Variants in KCNMA1 observed in about 807,000 individuals in gnomAD.
KCNMA1 encodes the protein Calcium-activated potassium channel subunit alpha-1.
In KCNMA1, 29 loss-of-function variants were observed where a neutral mutation model predicts 140.0. The ratio of observed to expected loss-of-function variants is 0.21; its 90% CI spans 0.15 to 0.28. The LOEUF (loss-of-function observed/expected upper bound fraction) is 0.28, where lower values mean the gene tolerates loss of function less well. KCNMA1 is among the 10% of genes least tolerant of loss of function. The pLI, the probability that KCNMA1 is intolerant of heterozygous loss-of-function variation, is 1.00. For missense variants in KCNMA1, 880 were observed against 1,602.2 expected (o/e 0.55, Z 7.70); for synonymous variants, 612 against 611.9 (o/e 1.00, Z 0.00).
intron 20 of KCNMA1, among the ~76,000 whole-genome samples, chr10:76,955,287 C>T (rs1459678016): frequency 3.3e-5 from 5 of 150,762 alleles, no homozygotes; most frequent in African/African-American, 4.9e-5. Flanking sequence ...GTCTCCGATA[C>T]TTCCCACTTA....
chr10:77,400,292 G>T (rs1293739286), intron 2 of KCNMA1, among the ~76,000 whole-genome samples: 1 of 152,232 alleles, frequency 6.6e-6, no homozygotes, highest in Non-Finnish European at 1.5e-5. Context: ...CTGTGCAGCA[G>T]GTCCCACTTG....
chr10:76,962,913 A>G (rs2072273187), intron 20 of KCNMA1, among the ~76,000 whole-genome samples: 1 of 152,216 alleles, frequency 6.6e-6, no homozygotes, highest in South Asian at 2.1e-4. Context: ...ATATCTTGCA[A>G]CAATTTGTTT....
intron 19 of KCNMA1, among the ~76,000 whole-genome samples, chr10:76,985,662 C>T (rs565294022): frequency 1.4e-4 from 21 of 152,170 alleles, no homozygotes; most frequent in African/African-American, 4.3e-4. Flanking sequence ...CACACAAACG[C>T]GATAGCAAAG....
intron 5 of KCNMA1, among the ~76,000 whole-genome samples, chr10:77,174,115 A>G (rs1159797356): frequency 3.3e-5 from 5 of 152,278 alleles, no homozygotes; most frequent in Non-Finnish European, 7.3e-5. Context: ...TTTCAGTAGC[A>G]GCAGAGTAGT....
At chr10:77,010,568 G>T (rs1167489616) in intron 18 of KCNMA1, among the ~76,000 whole-genome samples, 1 of 151,992 alleles carries the variant, frequency 6.6e-6, no homozygotes, top group African/African-American at 2.4e-5. Flanking sequence ...GTGGAAACAG[G>T]GGGAGGAAAC....
downstream of KCNMA1, chr10:76,875,685 G>A (rs1313891393): frequency 1.3e-5 from 2 of 152,204 alleles, no homozygotes; most frequent in African/African-American, 2.4e-5. Context: ...TATGGTTCAC[G>A]AAGGAAAGAA....
intron 15 of KCNMA1, among the ~76,000 whole-genome samples, chr10:77,033,670 C>T (rs548888241): frequency 2.6e-5 from 4 of 152,126 alleles, no homozygotes; most frequent in South Asian, 2.1e-4. Context: ...AAAGCCCAAG[C>T]GTCCACCCCA....
chr10:77,453,239 G>A (rs895563977), intron 1 of KCNMA1, among the ~76,000 whole-genome samples: 1 of 151,960 alleles, frequency 6.6e-6, no homozygotes, highest in East Asian at 1.9e-4. Flanking sequence ...CCAATCAAGA[G>A]TATTTCCAGA....
At chr10:77,379,077 G>C (rs1260205533) in intron 2 of KCNMA1, among the ~76,000 whole-genome samples, 2 of 152,150 alleles carry the variant, frequency 1.3e-5, no homozygotes, top group African/African-American at 4.8e-5. Context: ...TGTTTCATTT[G>C]ATGTTTGGCA....
chr10:77,100,201 C>A (rs997213545), intron 9 of KCNMA1, among the ~76,000 whole-genome samples: 16 of 152,226 alleles, frequency 1.1e-4, no homozygotes, highest in African/African-American at 3.9e-4. Context: ...GGTGGGGATT[C>A]AAATTATTGT....
intron 9 of KCNMA1, among the ~76,000 whole-genome samples, chr10:77,105,314 A>C (rs1253877915): frequency 6.6e-6 from 1 of 152,196 alleles, no homozygotes; most frequent in Admixed American, 6.5e-5. Flanking sequence ...ACATTGATTA[A>C]AACTGAAAAT....
chr10:77,076,547 G>A (rs2096403262), intron 13 of KCNMA1, among the ~76,000 whole-genome samples: 1 of 152,134 alleles, frequency 6.6e-6, no homozygotes, highest in Non-Finnish European at 1.5e-5. Context: ...AGAGTCGGTG[G>A]CAGTAAGCTC....
intron 1 of KCNMA1, among the ~76,000 whole-genome samples, chr10:77,495,083 G>A (rs188944134): frequency 9.9e-5 from 15 of 152,242 alleles, no homozygotes; most frequent in African/African-American, 3.6e-4. Flanking sequence ...TCACAGGTAC[G>A]GAGGGCTAGG....
chr10:77,330,963 G>C (rs549787848), intron 2 of KCNMA1, among the ~76,000 whole-genome samples: 106 of 152,288 alleles, frequency 7.0e-4, no homozygotes, highest in Non-Finnish European at 1.2e-3. Flanking sequence ...GATTAAATAG[G>C]AGGGTCCTAT....
At chr10:77,166,148 A>G (rs1386142284) in intron 5 of KCNMA1, among the ~76,000 whole-genome samples, 1 of 152,186 alleles carries the variant, frequency 6.6e-6, no homozygotes, top group Non-Finnish European at 1.5e-5. Context: ...GTACTAATGG[A>G]AGGGAGGCTA....
intron 1 of KCNMA1, among the ~76,000 whole-genome samples, chr10:77,423,736 G>T (rs1047406603): frequency 2.0e-5 from 3 of 152,112 alleles, no homozygotes; most frequent in African/African-American, 7.2e-5. Context: ...TGTTTTATAG[G>T]GGGGACAAAG....
At chr10:76,974,497 C>A (rs779880580) in intron 19 of KCNMA1, 2 of 1,545,824 alleles carry the variant, frequency 1.3e-6, no homozygotes, top group South Asian at 2.4e-5. Flanking sequence ...CTGGCTCGGT[C>A]ACAAGCCGAG....
At chr10:77,196,245 C>T (rs1294101149) in intron 3 of KCNMA1, among the ~76,000 whole-genome samples, 1 of 152,160 alleles carries the variant, frequency 6.6e-6, no homozygotes, top group Non-Finnish European at 1.5e-5. Context: ...TCTGTATCCC[C>T]ACTTTCTGTT....
intron 5 of KCNMA1, among the ~76,000 whole-genome samples, chr10:77,156,211 G>C (rs577900831): frequency 3.0e-4 from 41 of 135,282 alleles, no homozygotes; most frequent in South Asian, 1.2e-3. Flanking sequence ...CTGGGTGACA[G>C]AGCGAGACTC....
Sources: allele counts gnomAD v4.1 joint callset (sites outside exome capture counted in the v4.1 genomes callset), GRCh38; gene constraint gnomAD v4.1.1; transcripts MANE v1.5; gene names NCBI Gene and HGNC (gene_info 2026-07-23, HGNC 2026-07-21).